The following CTNNBL1 variants were observed in gnomAD, a reference collection of about 807,000 sequenced individuals.
The protein encoded by CTNNBL1 is beta-catenin-like protein 1.
A neutral mutation model predicts 72.7 loss-of-function variants in CTNNBL1; 31 were observed. The ratio of observed to expected loss-of-function variants is 0.43; its 90% CI spans 0.32 to 0.58. The LOEUF is 0.58. Among genes scored for constraint, CTNNBL1 ranks in the 20% least tolerant of loss-of-function variants. The pLI is 0.08. For missense variants in CTNNBL1, 534 were observed against 725.1 expected (o/e 0.74, Z 3.03); for synonymous variants, 240 against 267.3 (o/e 0.90, Z 1.00).
At chr20:37,834,633 T>C (rs144935705) in intron 11 of CTNNBL1, among the ~76,000 whole-genome samples, 125 of 152,334 alleles carry the variant, frequency 8.2e-4, no homozygotes, top group African/African-American at 2.9e-3. Flanking sequence ...TTGCCTTTTA[T>C]ATGTGGGAAG....
intron 1 of CTNNBL1, among the ~76,000 whole-genome samples, chr20:37,729,853 T>C (rs2073115099): frequency 6.6e-6 from 1 of 152,236 alleles, no homozygotes; most frequent in Admixed American, 6.5e-5. Flanking sequence ...GTTACTGGCA[T>C]GTTGCTTTCC....
intron 11 of CTNNBL1, among the ~76,000 whole-genome samples, chr20:37,809,390 G>A (rs1347487257): frequency 6.6e-6 from 1 of 152,148 alleles, no homozygotes; most frequent in East Asian, 1.9e-4. Context: ...CCTATATTCA[G>A]CATCTGTAGG....
intron 10 of CTNNBL1, among the ~76,000 whole-genome samples, chr20:37,786,617 T>C (rs1329097057): frequency 6.6e-6 from 1 of 152,234 alleles, no homozygotes; most frequent in Non-Finnish European, 1.5e-5. Context: ...ATATATGGTC[T>C]ACAATGCTTG....
chr20:37,856,341 C>T (rs1264279654), intron 13 of CTNNBL1, among the ~76,000 whole-genome samples: 2 of 152,086 alleles, frequency 1.3e-5, no homozygotes, highest in South Asian at 2.1e-4. Context: ...TAGTTCAAGG[C>T]AGGCCGTGGG....
intron 1 of CTNNBL1, among the ~76,000 whole-genome samples, chr20:37,721,592 A>G (rs1290435734): frequency 1.3e-5 from 2 of 152,236 alleles, no homozygotes; most frequent in African/African-American, 4.8e-5. Flanking sequence ...TTAAGAAATA[A>G]AACATTGTAA....
chr20:37,759,087 C>T lies in CTNNBL1; in HGVS notation c.564+1431C>T, dbSNP rs113079970. 1.7e-3 allele frequency among the ~76,000 whole-genome samples: 263 copies of T among 152,258 alleles called. 1 individual carries two copies. The highest frequency in any genetic ancestry group is 5.9e-3 in the African/African-American group (246 of 41,534). On this transcript the variant is annotated intron_variant, in intron 5 of 15. Transcript: ENST00000361383. ...AGTGTCCAGCAGGGCCATTTATGAC[C>T]GAATATAATGAAAATTTCTATGGCC...
chr20:37,840,254 A>C, intron 12 of CTNNBL1, 55 bp downstream of exon 12: 1 of 1,297,906 alleles, frequency 7.7e-7, no homozygotes, highest in Non-Finnish European at 1.1e-6. Flanking sequence ...AAGGCTCTTT[A>C]CCTGATGTGA....
At chr20:37,741,759 A>G (rs887847742) in intron 3 of CTNNBL1, among the ~76,000 whole-genome samples, 6 of 152,212 alleles carry the variant, frequency 3.9e-5, no homozygotes, top group Non-Finnish European at 7.3e-5. Context: ...TCTCATTCCC[A>G]AGTCCAGCAT....
chr20:37,740,900 C>T (rs1217854571), intron 3 of CTNNBL1, among the ~76,000 whole-genome samples: 1 of 152,218 alleles, frequency 6.6e-6, no homozygotes, highest in Non-Finnish European at 1.5e-5. Flanking sequence ...CCTAGGACTA[C>T]ACTTTGAGAA....
chr20:37,824,144 C>T (rs1453110241), intron 11 of CTNNBL1, among the ~76,000 whole-genome samples: 4 of 152,232 alleles, frequency 2.6e-5, no homozygotes, highest in East Asian at 1.9e-4. Flanking sequence ...GCTGCGCTGA[C>T]GTATAGCTAT....
At chr20:37,774,825 C>G (rs1438611091) in intron 7 of CTNNBL1, among the ~76,000 whole-genome samples, 1 of 152,194 alleles carries the variant, frequency 6.6e-6, no homozygotes, top group Non-Finnish European at 1.5e-5. Context: ...GTGGTACCTA[C>G]TGTGTGTTAG....
intron 5 of CTNNBL1, among the ~76,000 whole-genome samples, chr20:37,762,089 C>T (rs185509060): frequency 4.8e-4 from 73 of 152,250 alleles, no homozygotes; most frequent in Admixed American, 2.5e-3. Flanking sequence ...GCATTTTAAA[C>T]AGAGCATCTA....
At chr20:37,696,079 A>G (rs1003280337) in intron 1 of CTNNBL1, among the ~76,000 whole-genome samples, 4 of 152,264 alleles carry the variant, frequency 2.6e-5, no homozygotes, top group African/African-American at 9.6e-5. Context: ...CTAGCCCATT[A>G]AAGCTAGAAG....
Position 37,767,990 on chromosome 20 carries a change from G to A in CTNNBL1, c.696G>A (p.Met232Ile), listed in dbSNP as rs1395478157. ...VENMAEFRPE[M>I]CTEGAQQGLL... ...ACATGGCTGAGTTCCGGCCTGAGAT[G>A]TGTACAGAGGGTGCCCAGCAGGGTC... is the stretch of plus-strand genomic sequence containing the variant. Residue 232 changes from methionine (M) to isoleucine (I), a missense_variant, in exon 7 of 16, where the codon ATG (methionine) becomes ATA (isoleucine). Transcript: ENST00000361383. The A allele has an allele frequency of 6.2e-7, 1 of 1,613,992 alleles. No individual in the cohort carries two copies. The highest frequency in any genetic ancestry group is 8.5e-7 in the Non-Finnish European group (1 of 1,179,978).
At chr20:37,718,443 T>C (rs1377768688) in intron 1 of CTNNBL1, among the ~76,000 whole-genome samples, 10 of 101,924 alleles carry the variant, frequency 9.8e-5, no homozygotes, top group Non-Finnish European at 1.2e-4. Context: ...CCGGACGGGG[T>C]GGCTGGCCGG....
At chr20:37,815,071 C>CTGTGTGTG (rs540541570) in intron 11 of CTNNBL1, among the ~76,000 whole-genome samples, 3 of 74,664 alleles carry the variant, frequency 4.0e-5, no homozygotes, top group African/African-American at 1.8e-4. Context: ...GTTAGGGACT[C>CTGTGTGTG]TGTGAGTGTG....
At chr20:37,714,555 G>C (rs760091802) in intron 1 of CTNNBL1, among the ~76,000 whole-genome samples, 2 of 152,178 alleles carry the variant, frequency 1.3e-5, no homozygotes, top group Non-Finnish European at 2.9e-5. Context: ...TTTGTAATCT[G>C]ACAGTTGACT....
chr20:37,773,963 A>G (rs956257355), intron 7 of CTNNBL1, among the ~76,000 whole-genome samples: 1 of 127,150 alleles, frequency 7.9e-6, no homozygotes, highest in East Asian at 2.2e-4. Flanking sequence ...TGGCCAGGCC[A>G]GAGTGTTGGT....
At chr20:37,867,036 G>A (rs2072542252) in intron 15 of CTNNBL1, among the ~76,000 whole-genome samples, 1 of 152,172 alleles carries the variant, frequency 6.6e-6, no homozygotes, top group South Asian at 2.1e-4. Flanking sequence ...AAGAGCAAGG[G>A]TCTTTCTCTG....
Sources: gnomAD v4.1 joint callset for allele counts (sites outside exome capture counted in the v4.1 genomes callset) on GRCh38, gnomAD v4.1.1 for gene constraint, MANE v1.5 for transcripts, NCBI Gene and HGNC (gene_info 2026-07-23, HGNC 2026-07-21) for gene names.